RINT1: variants seen among roughly 807,000 people sequenced by gnomAD.
RINT1 encodes RAD50-interacting protein 1.
A neutral mutation model predicts 97.7 loss-of-function variants in RINT1; 75 were observed. That is an observed-to-expected ratio of 0.77 (90% CI 0.64 to 0.93). The LOEUF is 0.93. Among genes scored for constraint, RINT1 ranks in the 40% least tolerant of loss-of-function variants. RINT1 has a pLI of 0.00. For synonymous variants in RINT1, 303 were observed against 326.3 expected (o/e 0.93, Z 0.77); for missense variants, 892 against 925.2 (o/e 0.96, Z 0.47).
chr7:105,562,502 T>C (rs929963449), intron 11 of RINT1, among the ~76,000 whole-genome samples: 2 of 152,196 alleles, frequency 1.3e-5, no homozygotes, highest in Non-Finnish European at 2.9e-5. Flanking sequence ...AGGCATGAGC[T>C]ACCATGCCTA....
At chr7:105,546,371 T>C (rs1033993935) in intron 4 of RINT1, among the ~76,000 whole-genome samples, 1 of 152,126 alleles carries the variant, frequency 6.6e-6, no homozygotes, top group African/African-American at 2.4e-5. Context: ...GAACATAGGC[T>C]GCAGGCTGCT....
intron 4 of RINT1, among the ~76,000 whole-genome samples, chr7:105,544,879 A>T (rs950640831): frequency 6.6e-6 from 1 of 152,154 alleles, no homozygotes; most frequent in African/African-American, 2.4e-5. Context: ...GAGGTCTTTT[A>T]TGATAATCTC....
chr7:105,561,997 G>T (rs1207506627), intron 11 of RINT1, among the ~76,000 whole-genome samples: 1 of 152,062 alleles, frequency 6.6e-6, no homozygotes, highest in Non-Finnish European at 1.5e-5. Flanking sequence ...TATATATATA[G>T]TGAAAATAAG....
At chr7:105,540,543 T>G (rs914344722) in intron 3 of RINT1, among the ~76,000 whole-genome samples, 1 of 152,268 alleles carries the variant, frequency 6.6e-6, no homozygotes, top group East Asian at 1.9e-4. Flanking sequence ...ATTACAGGCA[T>G]GAGACACTGT....
chr7:105,532,476 C>G, intron 1 of RINT1, 119 bp downstream of exon 1: 1 of 1,185,076 alleles, frequency 8.4e-7, no homozygotes, highest in African/African-American at 1.5e-5. Context: ...GTGCTTCCTG[C>G]GGCTTAGATT....
intron 4 of RINT1, 84 bp from the exon 5 acceptor site, chr7:105,546,826 A>AG (rs1790685195): frequency 1.0e-6 from 1 of 962,850 alleles, no homozygotes; most frequent in South Asian, 1.7e-5. Context: ...CATTGAGCCA[A>AG]ATCATGCCAC....
rs747677431 is a variant in RINT1 at position 105,555,092 on chromosome 7, A to G, written c.1536A>G (p.Leu512=). The G allele has an allele frequency of 2.5e-6, 4 of 1,614,078 alleles. No individual in the cohort carries two copies. The highest frequency in any genetic ancestry group is 2.5e-6 in the Non-Finnish European group (3 of 1,179,996). ...AGTTCCTGGAGTTACAGAAGGACTT[A>G]GTAGATGATTTTAGGATACGATTAA... ...KLQFLELQKD[L]VDDFRIRLTQ... The change falls in exon 11 of 15, where the codon TTA becomes TTG. Residue 512 remains leucine (L), a synonymous_variant. Transcript: ENST00000257700.
At chr7:105,567,015 TGTGGAC>T in intron 14 of RINT1, 98 bp from the exon 15 acceptor site, 2 of 582,814 alleles carry the variant, frequency 3.4e-6, no homozygotes, top group Non-Finnish European at 5.6e-6. Context: ...ATAGAGAACA[TGTGGAC>T]CAGCAGTGCA....
rs2133373076 is a variant in RINT1 at position 105,542,428 on chromosome 7, A to T, written c.294A>T (p.Glu98Asp). Residue 98 changes from glutamate (E) to aspartate (D), a missense_variant, in exon 4 of 15, where the codon GAA becomes GAT. Transcript: ENST00000257700. ...GTCAGGTACTTACAATTTCATCAGA[A>T]ATTCCTAAAAGAATTCGAAGTGCCT... ...LEEQVLTISS[E>D]IPKRIRSALK... The T allele has an allele frequency of 1.2e-6, 2 of 1,608,322 alleles. No homozygotes were observed. Among genetic ancestry groups the T allele is most frequent in the Non-Finnish European group, 1.7e-6 (2 of 1,175,258 alleles).
chr7:105,553,656 A>C (rs1330004498), intron 10 of RINT1, among the ~76,000 whole-genome samples: 3 of 134,046 alleles, frequency 2.2e-5, no homozygotes, highest in African/African-American at 8.4e-5. Context: ...CAGGTGATCC[A>C]CCTGCCTCGG....
intron 7 of RINT1, 67 bp from the exon 8 acceptor site, chr7:105,549,988 A>ATAT: frequency 3.0e-6 from 3 of 994,152 alleles, no homozygotes; most frequent in Non-Finnish European, 4.6e-6. Context: ...AATTAAATAG[A>ATAT]ACCATGTAAT....
At position 105,567,498 on chromosome 7, in the gene RINT1, A is replaced by C; in HGVS notation, c.*187A>C. 1 of 699,594 alleles carries C rather than the reference A, an allele frequency of 1.4e-6. No homozygotes were observed. The highest frequency in any genetic ancestry group is 2.1e-5 in the Admixed American group (1 of 47,818). 43.3% of individuals were successfully genotyped at this position (699,594 alleles called of 1,614,324 possible). On this transcript the variant is annotated 3_prime_UTR_variant, in exon 15 of 15. Transcript: ENST00000257700. Reference sequence around the variant, plus strand: ...TCCTTCATCCTCTTGTTCCTAAGGAAACAAAAACAGAAAACGAAACAATGA... The same window carrying C: ...TCCTTCATCCTCTTGTTCCTAAGGACACAAAAACAGAAAACGAAACAATGA...
chr7:105,536,811 CAT>C, intron 3 of RINT1, 62 bp downstream of exon 3: 1 of 972,484 alleles, frequency 1.0e-6, no homozygotes, highest in South Asian at 2.4e-5. Flanking sequence ...ATAATATAAA[CAT>C]AATCTATTAT....
Position 105,536,625 on chromosome 7 carries a change from G to A in RINT1, c.149G>A (p.Gly50Asp), listed in dbSNP as rs1034805702. Reference protein sequence around the residue: ...SKQVSEGTDNGDLPSYVSAFI... With the variant: ...SKQVSEGTDNDDLPSYVSAFI... ...CAAGTCAGTGAAGGTACAGATAATG[G>A]TGATCTCCCTTCTTATGTGTCTGCA... The change falls in exon 3 of 15, where the codon GGT becomes GAT. Residue 50 changes from glycine (G) to aspartate (D), a missense_variant. Gly to Asp is a moderately conservative substitution (Grantham distance 94, BLOSUM62 -1). Transcript: ENST00000257700. 1.2e-6 allele frequency: 2 copies of A among 1,611,872 alleles called. No homozygotes were observed. The highest frequency in any genetic ancestry group is 2.7e-5 in the African/African-American group (2 of 74,968).
At chr7:105,547,158 A>G (rs1279383557) in intron 5 of RINT1, 26 bp from the exon 6 acceptor site, 21 of 1,613,992 alleles carry the variant, frequency 1.3e-5, no homozygotes, top group Non-Finnish European at 1.7e-5. Context: ...ATGTACTGAA[A>G]TGTATGTGTT....
intron 14 of RINT1, chr7:105,566,565 G>C (rs1329816624): frequency 2.6e-5 from 4 of 152,016 alleles, no homozygotes; most frequent in African/African-American, 9.7e-5. Flanking sequence ...CTAGCTACTT[G>C]AGAGGCTGAG....
At position 105,532,883 on chromosome 7, in the gene RINT1, A is replaced by G; in HGVS notation, c.88+14A>G. 6.2e-7 allele frequency: 1 copy of G among 1,613,772 alleles called. No homozygotes were observed. Among genetic ancestry groups the G allele is most frequent in the Non-Finnish European group, 8.5e-7 (1 of 1,179,652 alleles). On this transcript the variant is annotated intron_variant, in intron 2 of 14. Coordinates refer to ENST00000257700, the MANE Select transcript of RINT1 (RefSeq NM_021930.6). ...TCGAGGAGAAAAGTAAGCCAGCTCC[A>G]AACACCTTAGCTTTTTCTTCCCGCC...
intron 2 of RINT1, among the ~76,000 whole-genome samples, chr7:105,536,060 C>T (rs1300439155): frequency 6.6e-6 from 1 of 152,122 alleles, no homozygotes; most frequent in African/African-American, 2.4e-5. Context: ...GGGCATTTGT[C>T]TGTGTGTGTT....
chr7:105,542,332 C>T (rs1299791029), intron 3 of RINT1, 76 bp from the exon 4 acceptor site: 5 of 1,219,428 alleles, frequency 4.1e-6, no homozygotes, highest in Non-Finnish European at 5.8e-6. Flanking sequence ...GAGATCCCCT[C>T]TCAAAAAAAA....
Sources: gnomAD v4.1 joint callset for allele counts (sites outside exome capture counted in the v4.1 genomes callset) on GRCh38, gnomAD v4.1.1 for gene constraint, MANE v1.5 for transcripts, NCBI Gene and HGNC (gene_info 2026-07-23, HGNC 2026-07-21) for gene names.